Variants in SPRR1A observed in about 807,000 individuals in gnomAD.
SPRR1A encodes small proline rich protein 1A, also known as cornifin-A.
For synonymous variants in SPRR1A, 40 were observed against 39.2 expected, an observed-to-expected ratio of 1.02 and a Z score of -0.07; for missense variants, 123 against 105.4, an observed-to-expected ratio of 1.17 and a Z score of -0.73.
At chr1:152,984,588 T>C (rs1277263421), upstream of SPRR1A, among the ~76,000 whole-genome samples, 1 of 152,094 alleles carries the variant, frequency 6.6e-6, no homozygotes, top group East Asian at 1.9e-4. Flanking sequence ...GTAATACATA[T>C]ATATAAATAA....
upstream of SPRR1A, among the ~76,000 whole-genome samples, chr1:152,984,933 A>G (rs1362461888): frequency 6.6e-6 from 1 of 152,210 alleles, no homozygotes. Flanking sequence ...AGCCAGCTTT[A>G]GTAGGGCATT....
exon 1 of SPRR1A, chr1:152,985,349 C>T (rs746049139): frequency 6.3e-7 from 1 of 1,598,528 alleles, no homozygotes; most frequent in Non-Finnish European, 8.5e-7. Context: ...ACCAAGGAGC[C>T]CTGCCACCCC....
At chr1:152,984,444 G>A (rs1652247425), upstream of SPRR1A, among the ~76,000 whole-genome samples, 1 of 152,002 alleles carries the variant, frequency 6.6e-6, no homozygotes, top group Non-Finnish European at 1.5e-5. Flanking sequence ...CCCCTGACAA[G>A]ATATTTATAG....
At chr1:152,985,276 C>T (rs1652272287) in exon 1 of SPRR1A, 1 of 1,613,870 alleles carries the variant, frequency 6.2e-7, no homozygotes, top group South Asian at 1.1e-5. Flanking sequence ...ACCCCCTCAG[C>T]CTCAGCAGCA....
At chr1:152,985,782 T>C (rs1652301543), downstream of SPRR1A, among the ~76,000 whole-genome samples, 1 of 152,170 alleles carries the variant, frequency 6.6e-6, no homozygotes, top group African/African-American at 2.4e-5. Flanking sequence ...GAACCATCCC[T>C]AGTCTTCCTT....
chr1:152,985,411 G>A (rs1611764), exon 1 of SPRR1A: 860,684 of 1,599,058 alleles, frequency 0.54, 226,325 homozygotes, highest in East Asian at 0.66. Context: ...CCAGCCCAAG[G>A]TTCCAGAGCC....
downstream of SPRR1A, among the ~76,000 whole-genome samples, chr1:152,985,775 C>T (rs1652301215): frequency 6.6e-6 from 1 of 152,138 alleles, no homozygotes; most frequent in Admixed American, 6.5e-5. Context: ...ATCAAGTGAA[C>T]CATCCCTAGT....
At chr1:152,985,791 T>C (rs1129655), downstream of SPRR1A, among the ~76,000 whole-genome samples, 91,031 of 152,044 alleles carry the variant, frequency 0.6, 28,053 homozygotes, top group African/African-American at 0.75. Context: ...CTAGTCTTCC[T>C]TCAATAAATA....
upstream of SPRR1A, chr1:152,985,218 A>T (rs1038355550): frequency 2.5e-6 from 4 of 1,581,580 alleles, no homozygotes; most frequent in Non-Finnish European, 3.4e-6. Context: ...CTAGAAAAAA[A>T]CACATTTGAA....
Position 152,985,457 on chromosome 1 carries a change from CG to C in SPRR1A, c.229del (p.Val77SerfsTer?). On this transcript the variant is annotated frameshift_variant, in exon 1 of 1. Coordinates refer to ENST00000368762, the Ensembl canonical transcript of SPRR1A. LOFTEE classifies it high-confidence loss of function. ...AAGGTGCCTGAGCCCTGCCCTTCAA[CG>C]GTCACTCCAGCACCAGCCCAGCAGA... is the stretch of plus-strand genomic sequence containing the variant. The C allele has an allele frequency of 1.9e-6, 3 of 1,613,912 alleles. No homozygotes were observed.
At chr1:152,985,529 C>G (rs200915905), downstream of SPRR1A, 2 of 1,592,634 alleles carry the variant, frequency 1.3e-6, no homozygotes, top group Non-Finnish European at 1.7e-6. Context: ...CCTTGAGGAG[C>G]TGGCCACTGG....
chr1:152,985,377 C>T, exon 1 of SPRR1A: 1 of 1,572,876 alleles, frequency 6.4e-7, no homozygotes, highest in South Asian at 1.1e-5. Flanking sequence ...CTGAGCCCTG[C>T]CACCCCAAAG....
At chr1:152,985,202 C>G, upstream of SPRR1A, 1 of 1,566,706 alleles carries the variant, frequency 6.4e-7, no homozygotes, top group Non-Finnish European at 8.6e-7. Flanking sequence ...TGTCAGCTTT[C>G]TGTCTCTAGA....
upstream of SPRR1A, among the ~76,000 whole-genome samples, chr1:152,984,834 T>C (rs910131877): frequency 6.6e-6 from 1 of 152,124 alleles, no homozygotes; most frequent in Non-Finnish European, 1.5e-5. Flanking sequence ...ATCCTATAAG[T>C]CACAGGCTTT....
upstream of SPRR1A, among the ~76,000 whole-genome samples, chr1:152,984,203 G>A (rs554128024): frequency 1.8e-4 from 27 of 152,320 alleles, no homozygotes; most frequent in South Asian, 1.9e-3. Flanking sequence ...GCAAATATGT[G>A]TAAGCAGGTT....
chr1:152,985,587 T>G (rs760597346), downstream of SPRR1A: 1 of 1,529,178 alleles, frequency 6.5e-7, no homozygotes, highest in Non-Finnish European at 8.8e-7. Context: ...ATTTGCCTAT[T>G]GACCCTGCAG....
chr1:152,984,799 T>C (rs375075775), upstream of SPRR1A, among the ~76,000 whole-genome samples: 90 of 152,144 alleles, frequency 5.9e-4, no homozygotes, highest in African/African-American at 1.9e-3. Context: ...AGCAAAACCA[T>C]AGAGGCTTAG....
upstream of SPRR1A, chr1:152,985,162 T>G: frequency 1.3e-6 from 2 of 1,529,612 alleles, no homozygotes; most frequent in Non-Finnish European, 1.8e-6. Flanking sequence ...GCATTGAATT[T>G]GTATCCATCT....
chr1:152,985,261 A>T, exon 1 of SPRR1A: 2 of 1,613,290 alleles, frequency 1.2e-6, no homozygotes, highest in African/African-American at 1.3e-5. Flanking sequence ...GCAGCCTTGC[A>T]CCCCACCCCC....
Sources: allele counts gnomAD v4.1 joint callset (sites outside exome capture counted in the v4.1 genomes callset), GRCh38; gene constraint gnomAD v4.1.1; transcripts MANE v1.5; gene names NCBI Gene and HGNC (gene_info 2026-07-23, HGNC 2026-07-21).